Variants in LRP1B observed in about 807,000 individuals in gnomAD.
LRP1B encodes low-density lipoprotein receptor-related protein 1B.
A neutral mutation model predicts 556.6 loss-of-function variants in LRP1B; 217 were observed. The ratio of observed to expected loss-of-function variants is 0.39; its 90% CI spans 0.35 to 0.44. The LOEUF (loss-of-function observed/expected upper bound fraction) is 0.44, where lower values mean the gene tolerates loss of function less well. LRP1B is among the 20% of genes least tolerant of loss of function. The probability of loss-of-function intolerance (pLI) is 1.00; values close to 1 mark genes in which losing one functional copy is unlikely to be tolerated. For synonymous variants in LRP1B, 2,047 were observed against 1,865.8 expected, an observed-to-expected ratio of 1.10 and a Z score of -2.50; for missense variants, 5,053 against 5,620.8, an observed-to-expected ratio of 0.90 and a Z score of 3.23.
intron 41 of LRP1B, among the ~76,000 whole-genome samples, chr2:140,610,686 C>G (rs554973592): frequency 1.3e-5 from 2 of 152,152 alleles, no homozygotes; most frequent in African/African-American, 2.4e-5. Flanking sequence ...CCGGGGTGCA[C>G]GCCATTCTCC....
At chr2:140,828,411 C>T (rs1262214616) in intron 31 of LRP1B, among the ~76,000 whole-genome samples, 4 of 149,532 alleles carry the variant, frequency 2.7e-5, no homozygotes, top group African/African-American at 9.8e-5. Flanking sequence ...AGATCGAGAC[C>T]ATCCTGGCTA....
intron 2 of LRP1B, among the ~76,000 whole-genome samples, chr2:141,651,634 C>T (rs1689798153): frequency 6.6e-6 from 1 of 152,118 alleles, no homozygotes; most frequent in Admixed American, 6.5e-5. Flanking sequence ...CATTGCACTC[C>T]AGCCTGGGTG....
intron 2 of LRP1B, among the ~76,000 whole-genome samples, chr2:141,644,397 T>C (rs1689470544): frequency 6.6e-6 from 1 of 152,034 alleles, no homozygotes; most frequent in Non-Finnish European, 1.5e-5. Flanking sequence ...CCTTCCGCCA[T>C]GATAGTGAGG....
At chr2:141,747,923 A>C (rs1693971516) in intron 2 of LRP1B, among the ~76,000 whole-genome samples, 1 of 152,156 alleles carries the variant, frequency 6.6e-6, no homozygotes, top group South Asian at 2.1e-4. Flanking sequence ...GAAGATAAGG[A>C]GAGGCATGAA....
chr2:140,483,400 T>C (rs541747490), intron 59 of LRP1B, among the ~76,000 whole-genome samples: 1 of 151,778 alleles, frequency 6.6e-6, no homozygotes, highest in African/African-American at 2.4e-5. Flanking sequence ...TTCACTAGAA[T>C]AGGACACAGG....
chr2:140,554,545 C>G (rs80174199), intron 43 of LRP1B, among the ~76,000 whole-genome samples: 1 of 152,032 alleles, frequency 6.6e-6, no homozygotes, highest in African/African-American at 2.4e-5. Flanking sequence ...GAATCCTCCT[C>G]CAGCTGCCCA....
rs990574771 is a variant in LRP1B at position 140,799,036 on chromosome 2, T to C, written c.5359+14621A>G. On this transcript the variant is annotated intron_variant, in intron 32 of 90. Coordinates refer to ENST00000389484, the MANE Select transcript of LRP1B (RefSeq NM_018557.3). ...TCTGCATCACAGTGGTTAAAAAATA[T>C]ATAATTAATTTATACATATTAAAGT... Among the ~76,000 whole-genome samples, 4 of 152,308 alleles carry C rather than the reference T, an allele frequency of 2.6e-5. No individual in the cohort carries two copies. In the Middle Eastern group the frequency reaches 0.01, roughly 389 times the overall value.
chr2:140,590,315 AAT>A (rs1366362468), intron 43 of LRP1B, among the ~76,000 whole-genome samples: 5 of 144,990 alleles, frequency 3.4e-5, no homozygotes, highest in Non-Finnish European at 7.6e-5. Context: ...ATTTATATGT[AAT>A]ATATAATGTA....
chr2:141,032,826 C>CATACATACATACATACATACAT, intron 11 of LRP1B, among the ~76,000 whole-genome samples: 2 of 126,616 alleles, frequency 1.6e-5, no homozygotes, highest in African/African-American at 3.0e-5. Flanking sequence ...TATATACATA[C>CATACATACATACATACATACAT]ATATATATAT....
intron 20 of LRP1B, among the ~76,000 whole-genome samples, chr2:140,927,814 C>G (rs1231070283): frequency 6.7e-6 from 1 of 148,882 alleles, no homozygotes; most frequent in Non-Finnish European, 1.5e-5. Context: ...TCAAGTGATT[C>G]TCCTGTCTCA....
chr2:142,005,412 T>A (rs893447227), intron 1 of LRP1B, among the ~76,000 whole-genome samples: 1 of 152,270 alleles, frequency 6.6e-6, no homozygotes, highest in Non-Finnish European at 1.5e-5. Flanking sequence ...TGAAGCCCTA[T>A]GGATCCTGTT....
At chr2:140,898,833 T>A in intron 23 of LRP1B, 1 of 488,322 alleles carries the variant, frequency 2.0e-6, no homozygotes. Context: ...TGGTGGATCT[T>A]TCCAAGAACC....
At chr2:140,393,551 T>C (rs1010074802) in intron 66 of LRP1B, among the ~76,000 whole-genome samples, 4 of 152,144 alleles carry the variant, frequency 2.6e-5, no homozygotes, top group African/African-American at 9.7e-5. Context: ...CAAAGTTTTG[T>C]CCTTCTTGCT....
intron 2 of LRP1B, among the ~76,000 whole-genome samples, chr2:141,771,943 C>G (rs531693793): frequency 6.6e-6 from 1 of 152,004 alleles, no homozygotes; most frequent in Non-Finnish European, 1.5e-5. Context: ...CTCAGCCTCC[C>G]GAGTAGCTGG....
Position 141,538,766 on chromosome 2 carries a change from G to A in LRP1B, c.206-58233C>T, listed in dbSNP as rs112373617. The stretch of plus-strand genomic sequence containing the variant: ...CAATTCTTGTGCTTTAGCCTCCCAA[G>A]TAGCTGGGATTATAAGCATGTGCTA... On this transcript the variant is annotated intron_variant, in intron 2 of 90. Coordinates refer to ENST00000389484, the MANE Select transcript of LRP1B (RefSeq NM_018557.3). Among the ~76,000 whole-genome samples, 305 of 151,868 alleles carry A rather than the reference G, an allele frequency of 2.0e-3. 2 individuals are homozygous for A. Among genetic ancestry groups the A allele is most frequent in the African/African-American group, 7.0e-3 (289 of 41,444 alleles).
chr2:141,605,297 G>A (rs1176234033), intron 2 of LRP1B, among the ~76,000 whole-genome samples: 1 of 151,980 alleles, frequency 6.6e-6, no homozygotes, highest in Non-Finnish European at 1.5e-5. Flanking sequence ...GGGGACATAT[G>A]TGGCCCACAA....
chr2:140,392,274 C>T (rs1684055266), intron 66 of LRP1B, among the ~76,000 whole-genome samples: 1 of 152,040 alleles, frequency 6.6e-6, no homozygotes, highest in Non-Finnish European at 1.5e-5. Flanking sequence ...TTGTGAACCT[C>T]AGGATATTTA....
At chr2:141,725,364 C>G (rs1692989115) in intron 2 of LRP1B, among the ~76,000 whole-genome samples, 1 of 151,726 alleles carries the variant, frequency 6.6e-6, no homozygotes, top group Admixed American at 6.6e-5. Flanking sequence ...AATAATTTGT[C>G]CAAGTAGTAA....
intron 35 of LRP1B, among the ~76,000 whole-genome samples, chr2:140,754,572 G>T (rs530936081): frequency 6.6e-6 from 1 of 151,936 alleles, no homozygotes; most frequent in Non-Finnish European, 1.5e-5. Context: ...ATTCTTAAAT[G>T]ACAAATGAGT....
Sources: gnomAD v4.1 joint callset for allele counts (sites outside exome capture counted in the v4.1 genomes callset) on GRCh38, gnomAD v4.1.1 for gene constraint, MANE v1.5 for transcripts, NCBI Gene and HGNC (gene_info 2026-07-23, HGNC 2026-07-21) for gene names.